DLG1: variants seen among roughly 807,000 people sequenced by gnomAD.
DLG1 encodes discs large MAGUK scaffold protein 1.
DLG1 carries 42 observed loss-of-function variants against 123.4 expected under a neutral mutation model. That is an observed-to-expected ratio of 0.34 (90% CI 0.27 to 0.44). The LOEUF (loss-of-function observed/expected upper bound fraction) is 0.44. Ranked by LOEUF, DLG1 falls within the 20% of genes least tolerant of loss-of-function variation. The probability of loss-of-function intolerance (pLI) is 1.00; values close to 1 mark genes in which losing one functional copy is unlikely to be tolerated. For synonymous variants in DLG1, 317 were observed against 356.2 expected, an observed-to-expected ratio of 0.89 and a Z score of 1.24; for missense variants, 942 against 1,082.6, an observed-to-expected ratio of 0.87 and a Z score of 1.82.
At chr3:197,109,703 A>G (rs957533482) in intron 13 of DLG1, among the ~76,000 whole-genome samples, 6 of 152,212 alleles carry the variant, frequency 3.9e-5, no homozygotes, top group Non-Finnish European at 8.8e-5. Flanking sequence ...GAACTCCTTC[A>G]GCTTTTGTTT....
At chr3:197,198,053 T>A (rs542560207) in intron 4 of DLG1, among the ~76,000 whole-genome samples, 49 of 152,070 alleles carry the variant, frequency 3.2e-4, no homozygotes, top group Non-Finnish European at 6.3e-4. Flanking sequence ...ACCTTAGGAT[T>A]AGGAAATCGT....
At chr3:197,226,423 T>G (rs927237712) in intron 4 of DLG1, 4 of 152,248 alleles carry the variant, frequency 2.6e-5, no homozygotes, top group Non-Finnish European at 4.4e-5. Context: ...GCAAAGATGT[T>G]GCAGCAAGGG....
intron 5 of DLG1, among the ~76,000 whole-genome samples, chr3:197,174,574 T>C (rs1447186762): frequency 2.6e-5 from 4 of 152,224 alleles, no homozygotes; most frequent in African/African-American, 9.6e-5. Flanking sequence ...CTATGGTACT[T>C]AGTTTGGCTA....
intron 7 of DLG1, among the ~76,000 whole-genome samples, chr3:197,141,996 G>A (rs925486927): frequency 5.9e-5 from 9 of 152,132 alleles, no homozygotes; most frequent in Admixed American, 1.3e-4. Context: ...CGTGAGTGCA[G>A]ATATTCTTGA....
intron 5 of DLG1, among the ~76,000 whole-genome samples, chr3:197,158,461 TAAAA>T (rs10573278): frequency 1.0e-4 from 12 of 118,708 alleles, no homozygotes; most frequent in Admixed American, 1.7e-4. Flanking sequence ...CGTCTCTACT[TAAAA>T]AAAAAAAAAA....
At chr3:197,288,136 C>A (rs1459230541) in intron 3 of DLG1, among the ~76,000 whole-genome samples, 1 of 151,954 alleles carries the variant, frequency 6.6e-6, no homozygotes, top group African/African-American at 2.4e-5. Context: ...GAGCCTGAAG[C>A]AGGCAGATCA....
At chr3:197,296,305 A>G (rs1304079347) in intron 3 of DLG1, 41 bp downstream of exon 3, 1 of 1,579,898 alleles carries the variant, frequency 6.3e-7, no homozygotes, top group East Asian at 2.3e-5. Flanking sequence ...GAGGAGCATA[A>G]AGCCTAGCTG....
intron 3 of DLG1, among the ~76,000 whole-genome samples, chr3:197,289,326 G>A (rs538724370): frequency 6.7e-5 from 9 of 133,954 alleles, no homozygotes; most frequent in South Asian, 2.6e-4. Flanking sequence ...GGGGGGTGGC[G>A]TGTATACACG....
At chr3:197,127,193 C>T (rs1779546686) in intron 11 of DLG1, among the ~76,000 whole-genome samples, 1 of 151,326 alleles carries the variant, frequency 6.6e-6, no homozygotes, top group African/African-American at 2.4e-5. Context: ...GAGGCCGAGG[C>T]AGGTGGATCA....
At chr3:197,162,776 T>C (rs1195706947) in intron 5 of DLG1, among the ~76,000 whole-genome samples, 5 of 152,168 alleles carry the variant, frequency 3.3e-5, no homozygotes, top group Non-Finnish European at 5.9e-5. Context: ...CAAGAGAACA[T>C]AGGGTTAATC....
chr3:197,071,032 T>C (rs561153020), intron 18 of DLG1: 1 of 152,332 alleles, frequency 6.6e-6, no homozygotes, highest in South Asian at 2.1e-4. Context: ...TAAACTGTTT[T>C]TCACAAGTAT....
At chr3:197,289,325 C>T (rs896096932) in intron 3 of DLG1, among the ~76,000 whole-genome samples, 2 of 135,386 alleles carry the variant, frequency 1.5e-5, no homozygotes, top group Non-Finnish European at 3.2e-5. Context: ...TGGGGGGTGG[C>T]GTGTATACAC....
chr3:197,176,535 C>T (rs1448748488), intron 5 of DLG1, among the ~76,000 whole-genome samples: 1 of 152,122 alleles, frequency 6.6e-6, no homozygotes, highest in Non-Finnish European at 1.5e-5. Context: ...TTTTCCAGAA[C>T]GTCATCTAGT....
chr3:197,148,619 C>A (rs564433125), intron 6 of DLG1, among the ~76,000 whole-genome samples: 1 of 152,096 alleles, frequency 6.6e-6, no homozygotes, highest in African/African-American at 2.4e-5. Context: ...GTGATGCTAT[C>A]CACATACAAA....
At chr3:197,057,459 G>T (rs1732547584) in intron 23 of DLG1, among the ~76,000 whole-genome samples, 1 of 152,192 alleles carries the variant, frequency 6.6e-6, no homozygotes, top group African/African-American at 2.4e-5. Context: ...TCTGTGGAGT[G>T]TGCGTCTAAG....
At chr3:197,298,233 A>C (rs1693906414) in intron 1 of DLG1, 3 of 332,338 alleles carry the variant, frequency 9.0e-6, no homozygotes, top group Admixed American at 4.9e-5. Context: ...CCGCGCTGCT[A>C]CCTTCGGGTT....
chr3:197,285,895 A>G lies in DLG1; in HGVS notation c.152-3050T>C, dbSNP rs558303214. 3.9e-5 allele frequency among the ~76,000 whole-genome samples: 6 copies of G among 152,338 alleles called. No homozygotes were observed. The South Asian group carries it at 1.0e-3, about 26-fold the overall frequency. ...CTTGGTATTCACCCAAACAAGCTGA[A>G]AACTTAAGTCAACTCAAGACCCTGC... On this transcript the variant is annotated intron_variant, in intron 3 of 24. Transcript: ENST00000667157.
At chr3:197,106,643 G>T (rs1006467092) in intron 13 of DLG1, among the ~76,000 whole-genome samples, 2 of 152,122 alleles carry the variant, frequency 1.3e-5, no homozygotes, top group Non-Finnish European at 2.9e-5. Context: ...TTGTAGAAAA[G>T]ATTAAGAATG....
intron 5 of DLG1, among the ~76,000 whole-genome samples, chr3:197,181,749 T>G (rs1284118721): frequency 6.7e-6 from 1 of 150,044 alleles, no homozygotes; most frequent in Non-Finnish European, 1.5e-5. Context: ...AATACTCCTA[T>G]TTCTAGAAAT....
Sources: gnomAD v4.1 joint callset for allele counts (sites outside exome capture counted in the v4.1 genomes callset) on GRCh38, gnomAD v4.1.1 for gene constraint, MANE v1.5 for transcripts, NCBI Gene and HGNC (gene_info 2026-07-23, HGNC 2026-07-21) for gene names.